FSTL5: variants seen among roughly 807,000 people sequenced by gnomAD.
The protein encoded by FSTL5 is follistatin like 5.
In FSTL5, 62 loss-of-function variants were observed where a neutral mutation model predicts 89.1. That is an observed-to-expected ratio of 0.70 (90% confidence interval 0.57 to 0.86). The LOEUF (loss-of-function observed/expected upper bound fraction) is 0.86. FSTL5 is among the 40% of genes least tolerant of loss of function. The pLI is 0.00. For synonymous variants in FSTL5, 383 were observed against 346.2 expected, an observed-to-expected ratio of 1.11 and a Z score of -1.18; for missense variants, 1,057 against 1,001.6, an observed-to-expected ratio of 1.06 and a Z score of -0.75.
intron 3 of FSTL5, among the ~76,000 whole-genome samples, chr4:161,963,526 C>A (rs1735239350): frequency 2.0e-5 from 3 of 151,696 alleles, no homozygotes; most frequent in East Asian, 1.9e-4. Flanking sequence ...GACTCAAGAC[C>A]GTGACCGAAC....
chr4:161,789,927 T>G (rs1729401772), intron 4 of FSTL5, among the ~76,000 whole-genome samples: 1 of 152,246 alleles, frequency 6.6e-6, no homozygotes, highest in Non-Finnish European at 1.5e-5. Flanking sequence ...TGTTTTAATT[T>G]TTCCATTCTT....
chr4:161,398,358 T>A (rs1731072702), intron 15 of FSTL5, among the ~76,000 whole-genome samples: 1 of 152,056 alleles, frequency 6.6e-6, no homozygotes, highest in African/African-American at 2.4e-5. Flanking sequence ...CACAGAGATG[T>A]CTCCAAAATT....
intron 3 of FSTL5, among the ~76,000 whole-genome samples, chr4:161,955,947 C>T (rs376824628): frequency 2.5e-4 from 38 of 151,642 alleles, no homozygotes; most frequent in African/African-American, 8.9e-4. Context: ...TCTACACTCT[C>T]GGAACACTGA....
At chr4:161,987,124 G>C (rs779725852) in intron 3 of FSTL5, among the ~76,000 whole-genome samples, 18 of 151,908 alleles carry the variant, frequency 1.2e-4, no homozygotes, top group Non-Finnish European at 7.4e-5. Flanking sequence ...ACCCTTTCTC[G>C]ACATCTAGTT....
intron 3 of FSTL5, among the ~76,000 whole-genome samples, chr4:162,025,605 G>A (rs948865606): frequency 6.6e-6 from 1 of 151,940 alleles, no homozygotes; most frequent in Non-Finnish European, 1.5e-5. Flanking sequence ...ATGATTCCAT[G>A]CACCAATAAT....
chr4:161,459,391 A>AAC, intron 13 of FSTL5, 72 bp from the exon 14 acceptor site: 2 of 899,766 alleles, frequency 2.2e-6, no homozygotes, highest in Non-Finnish European at 3.5e-6. Flanking sequence ...AGAAATTATG[A>AAC]AGATTCTAAT....
intron 2 of FSTL5, among the ~76,000 whole-genome samples, chr4:162,102,680 ATATT>A (rs1731046113): frequency 7.4e-6 from 1 of 134,460 alleles, no homozygotes. Flanking sequence ...TATGTATAAC[ATATT>A]TATATTTATA....
At chr4:161,735,206 A>C (rs550429168) in intron 6 of FSTL5, among the ~76,000 whole-genome samples, 2 of 152,298 alleles carry the variant, frequency 1.3e-5, no homozygotes, top group Admixed American at 1.3e-4. Context: ...ATTATAGAGG[A>C]TATTACAAAG....
intron 4 of FSTL5, among the ~76,000 whole-genome samples, chr4:161,884,073 C>T (rs5021197): frequency 0.83 from 126,371 of 151,628 alleles, 53,279 homozygotes; most frequent in Non-Finnish European, 0.89. Context: ...TTTTTTGAGA[C>T]GGAGTCTTGC....
intron 6 of FSTL5, among the ~76,000 whole-genome samples, chr4:161,732,525 T>C (rs1739648164): frequency 6.6e-6 from 1 of 152,042 alleles, no homozygotes; most frequent in Non-Finnish European, 1.5e-5. Context: ...ATTTTTGTTG[T>C]CTATAGTTAG....
At chr4:162,114,024 C>T (rs953883885) in intron 1 of FSTL5, among the ~76,000 whole-genome samples, 2 of 152,178 alleles carry the variant, frequency 1.3e-5, no homozygotes, top group East Asian at 1.9e-4. Flanking sequence ...CAGAACAATA[C>T]ATGAATGCAT....
At chr4:161,402,654 G>T (rs1178930727) in intron 15 of FSTL5, among the ~76,000 whole-genome samples, 1 of 152,068 alleles carries the variant, frequency 6.6e-6, no homozygotes, top group Non-Finnish European at 1.5e-5. Flanking sequence ...GGTCTGATCT[G>T]CTATCACTTT....
chr4:161,475,962 C>T (rs556097025), intron 13 of FSTL5, among the ~76,000 whole-genome samples: 203 of 151,966 alleles, frequency 1.3e-3, no homozygotes, highest in Non-Finnish European at 2.5e-3. Context: ...ACCGTGTTAG[C>T]GAGGATGGTC....
chr4:162,110,541 A>T (rs950501452), intron 2 of FSTL5, among the ~76,000 whole-genome samples: 4 of 151,862 alleles, frequency 2.6e-5, no homozygotes, highest in African/African-American at 9.7e-5. Flanking sequence ...GTTTTCTCCA[A>T]TAATTAGTAT....
chr4:161,515,193 C>T (rs1345747866), intron 10 of FSTL5, among the ~76,000 whole-genome samples: 2 of 151,656 alleles, frequency 1.3e-5, no homozygotes, highest in African/African-American at 4.8e-5. Flanking sequence ...AATACATTCT[C>T]TTTTTGTTTG....
At chr4:162,060,430 A>C (rs1738684044) in intron 2 of FSTL5, among the ~76,000 whole-genome samples, 2 of 152,074 alleles carry the variant, frequency 1.3e-5, no homozygotes. Flanking sequence ...TTATATGATT[A>C]GAATAAAGTT....
At chr4:161,709,798 AT>A (rs1394636651) in intron 6 of FSTL5, among the ~76,000 whole-genome samples, 1 of 152,202 alleles carries the variant, frequency 6.6e-6, no homozygotes, top group Non-Finnish European at 1.5e-5. Context: ...GTTTAAAAAA[AT>A]AAATTAAATA....
intron 13 of FSTL5, among the ~76,000 whole-genome samples, chr4:161,477,091 T>C (rs1362978564): frequency 6.6e-6 from 1 of 152,158 alleles, no homozygotes; most frequent in Non-Finnish European, 1.5e-5. Flanking sequence ...TGATAAAGTA[T>C]ATGTTTTGTG....
Position 161,783,663 on chromosome 4 carries a change from CTCTTTCTTTCTT to C in FSTL5, c.410-7601_410-7590del, listed in dbSNP as rs1234017615. Among the ~76,000 whole-genome samples the C allele has an allele frequency of 8.1e-5, 5 of 61,874 alleles. 1 individual carries two copies. In the East Asian group the frequency reaches 2.9e-3, roughly 36 times the overall value. The allele number at this position is 61,874 out of a possible 152,430, so 40.6% of individuals were successfully genotyped here. On this transcript the variant is annotated intron_variant, in intron 4 of 15. Coordinates refer to ENST00000306100, the MANE Select transcript of FSTL5 (RefSeq NM_020116.5). ...TTTCTTTCTCTCTCTTTCTTTCTTT[CTCTTTCTTTCTT>C]TCTCTTTCTTTCTTTCTTTCTTTCT...
Sources: allele counts gnomAD v4.1 joint callset (sites outside exome capture counted in the v4.1 genomes callset), GRCh38; gene constraint gnomAD v4.1.1; transcripts MANE v1.5; gene names NCBI Gene and HGNC (gene_info 2026-07-23, HGNC 2026-07-21).